CNTN1: variants seen among roughly 807,000 people sequenced by gnomAD.
The protein encoded by CNTN1 is contactin-1.
A neutral mutation model predicts 126.4 loss-of-function variants in CNTN1; 38 were observed. The ratio of observed to expected loss-of-function variants is 0.30; its 90% CI spans 0.23 to 0.39. The LOEUF (loss-of-function observed/expected upper bound fraction) is 0.39. Among genes scored for constraint, CNTN1 ranks in the 10% least tolerant of loss-of-function variants. CNTN1 has a pLI of 1.00. For missense variants in CNTN1, 1,009 were observed against 1,248.4 expected, an observed-to-expected ratio of 0.81 and a Z score of 2.89; for synonymous variants, 413 against 422.6, an observed-to-expected ratio of 0.98 and a Z score of 0.28.
At chr12:40,908,305 C>CT in intron 1 of CNTN1, 52 bp from the exon 2 acceptor site, 1 of 650,648 alleles carries the variant, frequency 1.5e-6, no homozygotes, top group Non-Finnish European at 2.7e-6. Context: ...CCTTCCTTCC[C>CT]CTCTCCTTCC....
chr12:40,972,253 G>T lies in CNTN1; in HGVS notation c.1805-8656G>T, dbSNP rs150968978. ...CTTTTGTAGATCGTTTGGGTGGAAG[G>T]TTGTGATTTTTACTGGGAGGACTTG... On this transcript the variant is annotated intron_variant, in intron 15 of 23. Transcript: ENST00000551295. 1.3e-5 allele frequency: 13 copies of T among 985,198 alleles called. No homozygotes were observed. The East Asian group carries it at 1.1e-3, about 86-fold the overall frequency. 61.0% of individuals were successfully genotyped at this position (985,198 alleles called of 1,614,324 possible).
At chr12:40,705,565 T>C (rs1361012654) in intron 1 of CNTN1, among the ~76,000 whole-genome samples, 1 of 152,144 alleles carries the variant, frequency 6.6e-6, no homozygotes, top group Non-Finnish European at 1.5e-5. Context: ...AGTTTTAGGG[T>C]ACATGTGCAC....
chr12:40,953,594 C>A (rs955486367), intron 14 of CNTN1, among the ~76,000 whole-genome samples: 1 of 152,074 alleles, frequency 6.6e-6, no homozygotes, highest in Non-Finnish European at 1.5e-5. Flanking sequence ...ATTACAGTTG[C>A]TTCTTACTGC....
intron 17 of CNTN1, among the ~76,000 whole-genome samples, chr12:41,006,580 C>A (rs1948498828): frequency 6.6e-6 from 1 of 152,202 alleles, no homozygotes; most frequent in Admixed American, 6.5e-5. Context: ...ACATACTTCA[C>A]CAAAGAATTT....
chr12:40,719,062 A>G (rs1434418890), intron 1 of CNTN1, among the ~76,000 whole-genome samples: 1 of 152,128 alleles, frequency 6.6e-6, no homozygotes, highest in Non-Finnish European at 1.5e-5. Flanking sequence ...GCATGTTATT[A>G]CGGTTCAAAA....
intron 1 of CNTN1, among the ~76,000 whole-genome samples, chr12:40,819,026 G>C (rs575185376): frequency 6.6e-6 from 1 of 152,270 alleles, no homozygotes; most frequent in Admixed American, 6.5e-5. Context: ...ATTCAAGGAG[G>C]CTGAAGAGCA....
intron 6 of CNTN1, among the ~76,000 whole-genome samples, chr12:40,925,545 GTGTA>G (rs1309073607): frequency 2.2e-5 from 3 of 138,440 alleles, no homozygotes; most frequent in South Asian, 2.2e-4. Context: ...GTGTGTGTGT[GTGTA>G]TATATATACA....
Position 41,027,840 on chromosome 12 carries a change from A to G in CNTN1, c.2711-17A>G, listed in dbSNP as rs12367345. On this transcript the variant is annotated splice_polypyrimidine_tract_variant and intron_variant, in intron 21 of 23. Coordinates refer to ENST00000551295, the MANE Select transcript of CNTN1 (RefSeq NM_001843.4). ...TGGATATAGTGACCACTGATTGCAT[A>G]TTACTACTTTTCACAGCTCCTAGCC... 0.14 allele frequency: 215,293 copies of G among 1,492,160 alleles called. 16,623 individuals carry two copies. The highest frequency in any genetic ancestry group is 0.16 in the Non-Finnish European group (171,177 of 1,069,334). 92.4% of individuals were successfully genotyped at this position (1,492,160 alleles called of 1,614,324 possible).
chr12:40,900,919 A>G (rs1944579171), intron 1 of CNTN1, among the ~76,000 whole-genome samples: 2 of 152,206 alleles, frequency 1.3e-5, no homozygotes, highest in South Asian at 2.1e-4. Flanking sequence ...GAAACTGACA[A>G]CCGCTCTGTT....
rs773215644 is a variant in CNTN1 at position 40,737,357 on chromosome 12, G to GTATATATATATATATATA, written c.-77+44766_-77+44767insATATATATATATATATAT. On this transcript the variant is annotated intron_variant, in intron 1 of 23. Coordinates refer to ENST00000551295, the MANE Select transcript of CNTN1 (RefSeq NM_001843.4). ...TGTGTGTGTGTGTATATATGTGTGT[G>GTATATATATATATATATA]TGTATATATATATATATATATATAT... is the stretch of plus-strand genomic sequence containing the variant. Among the ~76,000 whole-genome samples, 286 of 105,032 alleles carry GTATATATATATATATATA rather than the reference G, an allele frequency of 2.7e-3. 3 individuals carry two copies. The highest frequency in any genetic ancestry group is 4.4e-3 in the Non-Finnish European group (230 of 52,814). The allele number at this position is 105,032 out of a possible 152,430, so 68.9% of individuals were successfully genotyped here. A position where few individuals can be genotyped will look rare whatever the true frequency, so the allele number is the denominator to read the frequency against.
At chr12:40,883,197 A>G (rs1471440184) in intron 1 of CNTN1, among the ~76,000 whole-genome samples, 1 of 151,590 alleles carries the variant, frequency 6.6e-6, no homozygotes, top group African/African-American at 2.4e-5. Context: ...ATTTGCATTC[A>G]TGGTTGAGAA....
At chr12:41,062,830 A>T (rs975260268) in intron 23 of CNTN1, among the ~76,000 whole-genome samples, 2 of 152,204 alleles carry the variant, frequency 1.3e-5, no homozygotes, top group African/African-American at 4.8e-5. Flanking sequence ...TTCTGCCACA[A>T]AATTTAATAA....
chr12:40,855,519 T>G (rs1454990057), intron 1 of CNTN1, among the ~76,000 whole-genome samples: 1 of 152,128 alleles, frequency 6.6e-6, no homozygotes, highest in Non-Finnish European at 1.5e-5. Flanking sequence ...CAAAAGTATT[T>G]AATTATCTAA....
At chr12:40,960,632 C>A (rs1947072508) in intron 15 of CNTN1, among the ~76,000 whole-genome samples, 1 of 152,080 alleles carries the variant, frequency 6.6e-6, no homozygotes, top group Non-Finnish European at 1.5e-5. Flanking sequence ...GAAATACATT[C>A]CACAAACCAC....
At chr12:40,868,161 T>C (rs1943363380) in intron 1 of CNTN1, among the ~76,000 whole-genome samples, 1 of 152,128 alleles carries the variant, frequency 6.6e-6, no homozygotes, top group African/African-American at 2.4e-5. Context: ...TTCTAATGTA[T>C]TTCCTTTCTC....
intron 1 of CNTN1, among the ~76,000 whole-genome samples, chr12:40,791,925 C>T (rs1940234925): frequency 6.6e-6 from 1 of 152,078 alleles, no homozygotes. Context: ...ACTCATGTTT[C>T]AGAGTACTTG....
At chr12:41,059,190 T>TA (rs1949889167) in intron 23 of CNTN1, among the ~76,000 whole-genome samples, 1 of 152,148 alleles carries the variant, frequency 6.6e-6, no homozygotes, top group African/African-American at 2.4e-5. Flanking sequence ...TTAATGCCCT[T>TA]AATACCAAAT....
chr12:41,022,124 T>G (rs1220672264), intron 20 of CNTN1, among the ~76,000 whole-genome samples: 1 of 152,176 alleles, frequency 6.6e-6, no homozygotes, highest in African/African-American at 2.4e-5. Context: ...ATTTGCTTAC[T>G]TTTAACAAGA....
At chr12:40,795,762 A>G (rs564278094) in intron 1 of CNTN1, among the ~76,000 whole-genome samples, 1 of 152,260 alleles carries the variant, frequency 6.6e-6, no homozygotes, top group South Asian at 2.1e-4. Flanking sequence ...TACATGCAAT[A>G]CAGTAAACAG....
Sources: allele counts gnomAD v4.1 joint callset (sites outside exome capture counted in the v4.1 genomes callset), GRCh38; gene constraint gnomAD v4.1.1; transcripts MANE v1.5; gene names NCBI Gene and HGNC (gene_info 2026-07-23, HGNC 2026-07-21).